The following ZNF225 variants were observed in gnomAD, a reference collection of about 807,000 sequenced individuals.
ZNF225 encodes zinc finger protein 225.
Under a neutral mutation model 12.0 loss-of-function variants are expected in ZNF225, and 6 were observed. That is an observed-to-expected ratio of 0.50 (90% CI 0.27 to 0.98). ZNF225 has a LOEUF of 0.98. ZNF225 is among the 50% of genes least tolerant of loss of function. ZNF225 has a pLI of 0.11. For missense variants in ZNF225, 763 were observed against 848.2 expected (o/e 0.90, Z 1.25); for synonymous variants, 271 against 283.2 (o/e 0.96, Z 0.43).
chr19:44,121,402 G>A (rs548606247), intron 4 of ZNF225, among the ~76,000 whole-genome samples: 84 of 152,288 alleles, frequency 5.5e-4, no homozygotes, highest in African/African-American at 1.9e-3. Flanking sequence ...TGATTGATGG[G>A]CATTTGTGTT....
intron 4 of ZNF225, among the ~76,000 whole-genome samples, chr19:44,119,835 C>G (rs1326972565): frequency 1.3e-5 from 2 of 152,218 alleles, no homozygotes; most frequent in Admixed American, 6.5e-5. Context: ...TCAGAATACT[C>G]TTTCACCTCA....
Position 44,132,918 on chromosome 19 carries a change from T to G in ZNF225, c.*183T>G. 1.8e-6 allele frequency: 1 copy of G among 549,720 alleles called. No homozygotes were observed. Among genetic ancestry groups the G allele is most frequent in the Non-Finnish European group, 3.0e-6 (1 of 329,052 alleles). The allele number at this position is 549,720 out of a possible 1,614,324, so 34.1% of individuals were successfully genotyped here. ...AATACGTTGTTAATTACTGTCACCC[T>G]GTAGTGGTGTAAAACACTAGAACTT... On this transcript the variant is annotated 3_prime_UTR_variant, in exon 5 of 5. Coordinates refer to ENST00000262894, the MANE Select transcript of ZNF225 (RefSeq NM_013362.4).
In ZNF225 at chr19:44,133,918, A is replaced by T. The variant is rs1968339314; in HGVS notation, c.*1183A>T. ...TTATAATCAAATCTACTAGAGATAG[A>T]TTTGATTTTTATACTTAATGTTCTA... On this transcript the variant is annotated 3_prime_UTR_variant, in exon 5 of 5. Transcript: ENST00000262894. 6.6e-6 allele frequency: 1 copy of T among 151,674 alleles called. No individual in the cohort carries two copies. The highest frequency in any genetic ancestry group is 6.6e-5 in the Admixed American group (1 of 15,254). The allele number at this position is 151,674 out of a possible 1,614,324, so 9.4% of individuals were successfully genotyped here.
intron 4 of ZNF225, 39 bp downstream of exon 4, chr19:44,118,613 TC>T: frequency 1.3e-6 from 2 of 1,581,296 alleles, no homozygotes; most frequent in Non-Finnish European, 1.7e-6. Context: ...TGCGTGACTC[TC>T]CCATCGGTTT....
intron 4 of ZNF225, among the ~76,000 whole-genome samples, chr19:44,119,461 G>T (rs962504885): frequency 3.3e-5 from 5 of 152,128 alleles, no homozygotes; most frequent in Non-Finnish European, 5.9e-5. Context: ...CTTTATTTTG[G>T]TTTACCAGTC....
At chr19:44,128,106 A>AGTATACATCACCAATGTAC (rs374196856) in intron 4 of ZNF225, among the ~76,000 whole-genome samples, 8 of 151,996 alleles carry the variant, frequency 5.3e-5, no homozygotes, top group African/African-American at 1.9e-4. Flanking sequence ...TGCCTCTTCC[A>AGTATACATCACCAATGTAC]ATGTACATCA....
chr19:44,126,662 G>C (rs1413466144), intron 4 of ZNF225, among the ~76,000 whole-genome samples: 2 of 152,118 alleles, frequency 1.3e-5, no homozygotes, highest in African/African-American at 4.8e-5. Flanking sequence ...CCATCAGGGA[G>C]GGGGAGGGCT....
At chr19:44,121,317 C>T (rs375370104) in intron 4 of ZNF225, among the ~76,000 whole-genome samples, 51 of 152,288 alleles carry the variant, frequency 3.3e-4, no homozygotes, top group Non-Finnish European at 6.9e-4. Context: ...GCTGCAAATG[C>T]TATTAATTCA....
chr19:44,127,430 G>A lies in ZNF225; in HGVS notation c.236-3420G>A, dbSNP rs141060429. 6.6e-4 allele frequency among the ~76,000 whole-genome samples: 101 copies of A among 152,298 alleles called. 2 individuals carry two copies. In the East Asian group the frequency reaches 0.016, roughly 25 times the overall value. On this transcript the variant is annotated intron_variant, in intron 4 of 4. Coordinates refer to ENST00000262894, the MANE Select transcript of ZNF225 (RefSeq NM_013362.4). Reference sequence around the variant, plus strand: ...AGGAGCAGTCCACTTCCTTCAGAGGGTCTGTGGGTCCTCTTGGGATTGCTA... The same window carrying A: ...AGGAGCAGTCCACTTCCTTCAGAGGATCTGTGGGTCCTCTTGGGATTGCTA...
upstream of ZNF225, among the ~76,000 whole-genome samples, chr19:44,112,545 A>C (rs2147545532): frequency 6.6e-6 from 1 of 152,308 alleles, no homozygotes; most frequent in Admixed American, 6.5e-5. Context: ...TTTTTTAAAT[A>C]ATAAAACGAC....
intron 4 of ZNF225, among the ~76,000 whole-genome samples, chr19:44,123,374 T>C (rs982610908): frequency 6.6e-6 from 1 of 152,198 alleles, no homozygotes; most frequent in Non-Finnish European, 1.5e-5. Context: ...CTTTTTGATA[T>C]GTTGTTGGAT....
rs748227060 is a variant in ZNF225 at position 44,118,542 on chromosome 19, T to TG, written c.205dup (p.Glu69GlyfsTer28). On this transcript the variant is annotated frameshift_variant, in exon 4 of 5. Coordinates refer to ENST00000262894, the MANE Select transcript of ZNF225 (RefSeq NM_013362.4). LOFTEE classifies it low-confidence loss of function (END_TRUNC). Reference sequence around the variant, plus strand: ...CTAAAGGAAGAAAAGTTTTGGATGATGGAGACAGCAACCCAAAGAGAAGGG... The same window carrying TG: ...CTAAAGGAAGAAAAGTTTTGGATGATGGGAGACAGCAACCCAAAGAGAAGGG... 1 of 1,613,340 alleles carries TG rather than the reference T, an allele frequency of 6.2e-7. No homozygotes were observed. Among genetic ancestry groups the TG allele is most frequent in the East Asian group, 2.2e-5 (1 of 44,860 alleles).
chr19:44,130,019 G>T (rs1012001439), intron 4 of ZNF225: 4 of 152,290 alleles, frequency 2.6e-5, no homozygotes, highest in African/African-American at 9.6e-5. Flanking sequence ...TACCATGCAA[G>T]GTTTTATTTC....
At position 44,131,755 on chromosome 19, in the gene ZNF225, T is replaced by G. The variant is rs777314215; in HGVS notation, c.1141T>G (p.Phe381Val). The G allele has an allele frequency of 6.2e-7, 1 of 1,614,192 alleles. No individual in the cohort carries two copies. Among genetic ancestry groups the G allele is most frequent in the Non-Finnish European group, 8.5e-7 (1 of 1,180,026 alleles). The change falls in exon 5 of 5, where the codon TTC becomes GTC. Residue 381 changes from phenylalanine (F) to valine (V), a missense_variant. Transcript: ENST00000262894. The stretch of plus-strand genomic sequence containing the variant: ...TAATTGTAAAGAATGTGGAAAGAGC[T>G]TCAGATGGGCCTCAGGTCTTTCAAG... Reference protein sequence around the residue: ...PYNCKECGKSFRWASGLSRHV... With the variant: ...PYNCKECGKSVRWASGLSRHV...
In ZNF225 at chr19:44,132,407, G is replaced by A. The variant is rs745713620; in HGVS notation, c.1793G>A (p.Cys598Tyr). 1 of 1,614,238 alleles carries A rather than the reference G, an allele frequency of 6.2e-7. No individual in the cohort carries two copies. The highest frequency in any genetic ancestry group is 8.5e-7 in the Non-Finnish European group (1 of 1,180,038). The part of the protein sequence containing the change: ...RLHGDEKPFK[C>Y]EECGKRFTEN... ...CATGGTGATGAAAAGCCATTCAAAT[G>A]TGAAGAGTGTGGGAAGAGATTTACT... The change falls in exon 5 of 5, where the codon TGT (cysteine) becomes TAT (tyrosine). Residue 598 changes from cysteine to tyrosine, a missense_variant. Physicochemically the swap from Cys to Tyr is radical, Grantham distance 194. Transcript: ENST00000262894.
chr19:44,118,704 G>A (rs895462506), intron 4 of ZNF225, 130 bp downstream of exon 4: 15 of 932,728 alleles, frequency 1.6e-5, no homozygotes, highest in Non-Finnish European at 2.3e-5. Flanking sequence ...GCTGACTTTC[G>A]GCTGGTTTCC....
chr19:44,115,923 C>T, intron 2 of ZNF225, 81 bp downstream of exon 2: 1 of 1,465,100 alleles, frequency 6.8e-7, no homozygotes, highest in African/African-American at 1.4e-5. Context: ...GTGCAGTGGC[C>T]TGATTTTGGC....
At position 44,133,983 on chromosome 19, in the gene ZNF225, C is replaced by A. The variant is rs1323308882; in HGVS notation, c.*1248C>A. 6.6e-6 allele frequency: 1 copy of A among 151,948 alleles called. No homozygotes were observed. Among genetic ancestry groups the A allele is most frequent in the Non-Finnish European group, 1.5e-5 (1 of 68,000 alleles). 9.4% of individuals were successfully genotyped at this position (151,948 alleles called of 1,614,324 possible). ...AGGATGCTAGGTACTTTATGAAGAT[C>A]CATGCTGTCTCAATTTGCATAGTGG... is the stretch of plus-strand genomic sequence containing the variant. On this transcript the variant is annotated 3_prime_UTR_variant, in exon 5 of 5. Coordinates refer to ENST00000262894, the MANE Select transcript of ZNF225 (RefSeq NM_013362.4).
rs771295206 is a variant in ZNF225, at chr19:44,115,795, G to A, written c.-33G>A. On this transcript the variant is annotated 5_prime_UTR_variant, in exon 2 of 5. Coordinates refer to ENST00000262894, the MANE Select transcript of ZNF225 (RefSeq NM_013362.4). ...GCTTTCCCTTGGACTGTATCACTCA[G>A]GACTCTGAATATTCCCTGAAATAGG... 2 of 1,611,584 alleles carry A rather than the reference G, an allele frequency of 1.2e-6. No homozygotes were observed. The highest frequency in any genetic ancestry group is 3.3e-5 in the Admixed American group (2 of 59,750).
Sources: gnomAD v4.1 joint callset for allele counts (sites outside exome capture counted in the v4.1 genomes callset) on GRCh38, gnomAD v4.1.1 for gene constraint, MANE v1.5 for transcripts, NCBI Gene and HGNC (gene_info 2026-07-23, HGNC 2026-07-21) for gene names.